FOXN3: variants seen among roughly 807,000 people sequenced by gnomAD.
FOXN3 encodes forkhead box N3, also known as forkhead box protein N3.
FOXN3 carries 7 observed loss-of-function variants against 38.4 expected under a neutral mutation model. The ratio of observed to expected loss-of-function variants is 0.18; its 90% CI spans 0.10 to 0.34. The LOEUF (loss-of-function observed/expected upper bound fraction) is 0.34. Among genes scored for constraint, FOXN3 ranks in the 10% least tolerant of loss-of-function variants. The pLI is 1.00. For synonymous variants in FOXN3, 230 were observed against 242.2 expected, an observed-to-expected ratio of 0.95 and a Z score of 0.47; for missense variants, 456 against 613.4, an observed-to-expected ratio of 0.74 and a Z score of 2.71.
chr14:89,167,804 A>C (rs1887280176), intron 5 of FOXN3, among the ~76,000 whole-genome samples: 1 of 152,362 alleles, frequency 6.6e-6, no homozygotes, highest in African/African-American at 2.4e-5. Context: ...TCAGGCAACT[A>C]GGCAACGAAG....
At chr14:89,166,181 T>A (rs559678564) in intron 5 of FOXN3, among the ~76,000 whole-genome samples, 1 of 152,298 alleles carries the variant, frequency 6.6e-6, no homozygotes, top group Non-Finnish European at 1.5e-5. Flanking sequence ...ACCAAAGCAA[T>A]GATGTTAAAC....
intron 2 of FOXN3, among the ~76,000 whole-genome samples, chr14:89,407,724 C>T (rs1204628536): frequency 1.3e-5 from 2 of 152,016 alleles, no homozygotes; most frequent in Admixed American, 6.6e-5. Flanking sequence ...TTGTAGTCCC[C>T]CCTTCGGAGG....
At chr14:89,183,794 G>A (rs1455961164) in intron 4 of FOXN3, among the ~76,000 whole-genome samples, 1 of 152,144 alleles carries the variant, frequency 6.6e-6, no homozygotes, top group Non-Finnish European at 1.5e-5. Flanking sequence ...AAAGGGTTTT[G>A]AGCAGAGAAG....
At chr14:89,191,746 G>A (rs1887948462) in intron 4 of FOXN3, among the ~76,000 whole-genome samples, 1 of 147,228 alleles carries the variant, frequency 6.8e-6, no homozygotes, top group Admixed American at 6.7e-5. Flanking sequence ...CCGAAAACAG[G>A]GTCTCAAAAA....
At chr14:89,571,198 A>G (rs1263931004) in intron 1 of FOXN3, among the ~76,000 whole-genome samples, 1 of 152,078 alleles carries the variant, frequency 6.6e-6, no homozygotes, top group Non-Finnish European at 1.5e-5. Flanking sequence ...AGAGGGAGAG[A>G]GAGTGATTGC....
intron 3 of FOXN3, among the ~76,000 whole-genome samples, chr14:89,304,734 C>T (rs531152284): frequency 6.6e-6 from 1 of 152,182 alleles, no homozygotes; most frequent in East Asian, 1.9e-4. Context: ...GGCTGCTCCT[C>T]GTCTGGCCCC....
intron 4 of FOXN3, among the ~76,000 whole-genome samples, chr14:89,198,314 A>G (rs1316260947): frequency 1.3e-5 from 2 of 152,212 alleles, no homozygotes; most frequent in African/African-American, 2.4e-5. Flanking sequence ...GAAGATGTGC[A>G]TAGATCACAT....
At chr14:89,195,142 G>A (rs8010230) in intron 4 of FOXN3, among the ~76,000 whole-genome samples, 70,875 of 152,000 alleles carry the variant, frequency 0.47, 17,759 homozygotes, top group African/African-American at 0.66. Context: ...TGCTCAGCAC[G>A]GTACTCCAAC....
chr14:89,326,814 G>A (rs544633336), intron 3 of FOXN3, among the ~76,000 whole-genome samples: 2 of 152,234 alleles, frequency 1.3e-5, no homozygotes, highest in African/African-American at 4.8e-5. Flanking sequence ...TTATTTTCTA[G>A]CCCATGGTAA....
intron 3 of FOXN3, among the ~76,000 whole-genome samples, chr14:89,323,522 C>T (rs58073578): frequency 0.024 from 3,602 of 151,882 alleles, 131 homozygotes; most frequent in African/African-American, 0.082. Context: ...AGTTTGAGAC[C>T]AGCCTGACCA....
chr14:89,386,832 T>C (rs560934050), intron 2 of FOXN3, among the ~76,000 whole-genome samples: 7 of 152,312 alleles, frequency 4.6e-5, no homozygotes, highest in Middle Eastern at 3.4e-3. Context: ...GGACTGCCCT[T>C]GGTGTGCGTG....
intron 1 of FOXN3, among the ~76,000 whole-genome samples, chr14:89,568,601 G>A (rs909007806): frequency 6.6e-6 from 1 of 152,082 alleles, no homozygotes; most frequent in Non-Finnish European, 1.5e-5. Context: ...TAACATTTGC[G>A]TCCTTTCTTG....
chr14:89,590,138 AT>A (rs35116192), intron 1 of FOXN3, among the ~76,000 whole-genome samples: 10,320 of 150,316 alleles, frequency 0.069, 820 homozygotes, highest in African/African-American at 0.18. Context: ...AATAGAGAAC[AT>A]TTTTTTTTTA....
intron 4 of FOXN3, among the ~76,000 whole-genome samples, chr14:89,261,086 CTCAG>C (rs1290541926): frequency 1.3e-5 from 2 of 152,206 alleles, no homozygotes; most frequent in African/African-American, 4.8e-5. Context: ...TGGGGTCATC[CTCAG>C]TCAAACTCTG....
At chr14:89,271,265 C>A (rs1468942736) in intron 4 of FOXN3, among the ~76,000 whole-genome samples, 1 of 152,222 alleles carries the variant, frequency 6.6e-6, no homozygotes, top group African/African-American at 2.4e-5. Flanking sequence ...TCATTAAAAT[C>A]TCTTGGCAAT....
chr14:89,186,795 C>G (rs1013323350), intron 4 of FOXN3, among the ~76,000 whole-genome samples: 1 of 152,208 alleles, frequency 6.6e-6, no homozygotes, highest in Non-Finnish European at 1.5e-5. Flanking sequence ...TAGGTGCACA[C>G]TGCCGCTGCA....
intron 1 of FOXN3, among the ~76,000 whole-genome samples, chr14:89,615,097 C>A (rs1341322195): frequency 6.6e-6 from 1 of 150,544 alleles, no homozygotes; most frequent in Non-Finnish European, 1.5e-5. Context: ...TGGATTTAGC[C>A]AACCCATCCC....
At position 89,207,851 on chromosome 14, in the gene FOXN3, T is replaced by C. The variant is rs185305249; in HGVS notation, c.746-27045A>G. The stretch of plus-strand genomic sequence containing the variant: ...GGAAGACAGGCTAGGTCTAAGCTCA[T>C]TGAAGTTTTATTTCCCTCTTGCAGA... On this transcript the variant is annotated intron_variant, in intron 4 of 5. Transcript: ENST00000557258. Among the ~76,000 whole-genome samples, 194 of 152,300 alleles carry C rather than the reference T, an allele frequency of 1.3e-3. 1 individual carries two copies. Among genetic ancestry groups the C allele is most frequent in the Admixed American group, 3.9e-3 (59 of 15,296 alleles).
At chr14:89,372,323 A>G (rs1890341998) in intron 2 of FOXN3, among the ~76,000 whole-genome samples, 1 of 152,244 alleles carries the variant, frequency 6.6e-6, no homozygotes, top group South Asian at 2.1e-4. Context: ...CGATTACAGT[A>G]TTAGAAAAGT....
Sources: allele counts gnomAD v4.1 joint callset (sites outside exome capture counted in the v4.1 genomes callset), GRCh38; gene constraint gnomAD v4.1.1; transcripts MANE v1.5; gene names NCBI Gene and HGNC (gene_info 2026-07-23, HGNC 2026-07-21).